Variants in SLC14A2 observed in about 807,000 individuals in gnomAD.
SLC14A2 encodes urea transporter 2.
SLC14A2 carries 91 observed loss-of-function variants against 104.6 expected under a neutral mutation model. The ratio of observed to expected loss-of-function variants is 0.87; its 90% CI spans 0.73 to 1.04. The LOEUF is 1.04. Among genes scored for constraint, SLC14A2 ranks in the 50% least tolerant of loss-of-function variants. SLC14A2 has a pLI of 0.00. For missense variants in SLC14A2, 1,189 were observed against 1,156.0 expected (o/e 1.03, Z -0.41); for synonymous variants, 476 against 466.4 (o/e 1.02, Z -0.27).
chr18:45,215,021 A>G (rs1357834044), intron 1 of SLC14A2, among the ~76,000 whole-genome samples: 1 of 152,016 alleles, frequency 6.6e-6, no homozygotes, highest in Non-Finnish European at 1.5e-5. Flanking sequence ...AGTTTAGAGA[A>G]GGGAGTGATT....
At chr18:45,659,961 CA>C (rs11456560) in intron 10 of SLC14A2, among the ~76,000 whole-genome samples, 127 of 104,770 alleles carry the variant, frequency 1.2e-3, no homozygotes, top group South Asian at 3.5e-3. Flanking sequence ...ACTGGCTCTA[CA>C]AAAAAAAAAA....
chr18:45,585,949 G>A (rs2044561336), intron 2 of SLC14A2, among the ~76,000 whole-genome samples: 1 of 152,154 alleles, frequency 6.6e-6, no homozygotes, highest in Admixed American at 6.5e-5. Flanking sequence ...GAAAAGTAAG[G>A]CTTTATTCAC....
At chr18:45,549,198 A>C (rs1311732026) in intron 2 of SLC14A2, among the ~76,000 whole-genome samples, 1 of 152,234 alleles carries the variant, frequency 6.6e-6, no homozygotes, top group African/African-American at 2.4e-5. Context: ...GTAGTTCATG[A>C]AGTAGGAATT....
chr18:45,356,299 A>C (rs757199396), intron 1 of SLC14A2, among the ~76,000 whole-genome samples: 2 of 152,226 alleles, frequency 1.3e-5, no homozygotes, highest in Non-Finnish European at 2.9e-5. Flanking sequence ...GAGATCATGG[A>C]TATAGAACAG....
At chr18:45,403,298 T>G (rs2086116258) in intron 1 of SLC14A2, among the ~76,000 whole-genome samples, 1 of 152,226 alleles carries the variant, frequency 6.6e-6, no homozygotes, top group African/African-American at 2.4e-5. Context: ...TTAAAGGCTC[T>G]ATCTTCAGAT....
At chr18:45,677,089 C>T (rs62096891) in intron 18 of SLC14A2, among the ~76,000 whole-genome samples, 12,024 of 152,322 alleles carry the variant, frequency 0.079, 659 homozygotes, top group Middle Eastern at 0.16. Flanking sequence ...TCCCTCCAGC[C>T]CAGGCAGGCC....
chr18:45,350,302 C>T lies in SLC14A2; in HGVS notation c.-124-132931C>T, dbSNP rs112724445. Among the ~76,000 whole-genome samples the T allele has an allele frequency of 4.0e-3, 613 of 152,320 alleles. 5 individuals are homozygous for T. The highest frequency in any genetic ancestry group is 0.014 in the African/African-American group (582 of 41,566). ...CAATGCATTACTAACATACACTAAA[C>T]AGTCACCATTTTTGATATCTCTGAT... is the stretch of plus-strand genomic sequence containing the variant. On this transcript the variant is annotated intron_variant, in intron 1 of 20. Transcript: ENST00000586448.
At chr18:45,439,413 C>T (rs2086647948) in intron 1 of SLC14A2, among the ~76,000 whole-genome samples, 1 of 151,976 alleles carries the variant, frequency 6.6e-6, no homozygotes, top group South Asian at 2.1e-4. Context: ...TAAAAAAACT[C>T]TACTGATTCT....
In SLC14A2 at chr18:45,640,207, T is replaced by C. The variant is rs182328225; in HGVS notation, c.991+314T>C. On this transcript the variant is annotated intron_variant, in intron 7 of 19. Coordinates refer to ENST00000255226, the MANE Select transcript of SLC14A2 (RefSeq NM_007163.4). ...AGGAGAATCACTTGAACCCAGGAGG[T>C]GGAGGTTGCAATGAGCCAAGATCGT... 3.5e-3 allele frequency among the ~76,000 whole-genome samples: 525 copies of C among 148,924 alleles called. 3 individuals carry two copies. The highest frequency in any genetic ancestry group is 9.5e-3 in the African/African-American group (382 of 40,282).
intron 2 of SLC14A2, among the ~76,000 whole-genome samples, chr18:45,497,808 G>A (rs1222491051): frequency 1.3e-5 from 2 of 152,160 alleles, no homozygotes; most frequent in African/African-American, 4.8e-5. Flanking sequence ...GGATTTTTTG[G>A]TGACGGATCT....
chr18:45,287,581 A>T (rs1416993037), intron 1 of SLC14A2, among the ~76,000 whole-genome samples: 1 of 152,168 alleles, frequency 6.6e-6, no homozygotes, highest in African/African-American at 2.4e-5. Context: ...ACACTATGAA[A>T]ATTCTGTGGA....
intron 2 of SLC14A2, among the ~76,000 whole-genome samples, chr18:45,589,952 T>C (rs2044623865): frequency 6.6e-6 from 1 of 152,204 alleles, no homozygotes; most frequent in Admixed American, 6.5e-5. Flanking sequence ...CCAGCAGAAC[T>C]GGGCTTTCTT....
chr18:45,480,263 CA>C (rs2087467019), intron 1 of SLC14A2, among the ~76,000 whole-genome samples: 1 of 152,182 alleles, frequency 6.6e-6, no homozygotes, highest in African/African-American at 2.4e-5. Context: ...TAATCCCAGA[CA>C]AGATTCTTCA....
chr18:45,572,449 C>A (rs1336225106), intron 2 of SLC14A2, among the ~76,000 whole-genome samples: 1 of 152,208 alleles, frequency 6.6e-6, no homozygotes, highest in Admixed American at 6.5e-5. Context: ...TCCAAGTTAT[C>A]TTCCACTAAA....
At chr18:45,173,778 T>G in the SLC14A2 span, among the ~76,000 whole-genome samples, 1 of 152,132 alleles carries the variant, frequency 6.6e-6, no homozygotes, top group Non-Finnish European at 1.5e-5. Context: ...CTCTGTTTGC[T>G]AGCAACCTGG....
intron 2 of SLC14A2, among the ~76,000 whole-genome samples, chr18:45,590,323 GT>G (rs1039044960): frequency 6.6e-6 from 1 of 152,072 alleles, no homozygotes; most frequent in African/African-American, 2.4e-5. Context: ...TGACAACATT[GT>G]TTTTTGCATA....
chr18:45,455,626 A>C (rs2086929585), intron 1 of SLC14A2, among the ~76,000 whole-genome samples: 1 of 145,616 alleles, frequency 6.9e-6, no homozygotes, highest in South Asian at 2.3e-4. Flanking sequence ...CATGTACCCC[A>C]GAACTTAAAG....
At chr18:45,192,832 A>G in the SLC14A2 span, among the ~76,000 whole-genome samples, 5 of 151,600 alleles carry the variant, frequency 3.3e-5, no homozygotes. Flanking sequence ...AATTTTTTGT[A>G]TTTTTAGTAG....
At chr18:45,289,499 A>C (rs2084848263) in intron 1 of SLC14A2, among the ~76,000 whole-genome samples, 1 of 152,162 alleles carries the variant, frequency 6.6e-6, no homozygotes, top group Non-Finnish European at 1.5e-5. Flanking sequence ...AAAGCTCACA[A>C]AGCTGATAAA....
Sources: gnomAD v4.1 joint callset for allele counts (sites outside exome capture counted in the v4.1 genomes callset) on GRCh38, gnomAD v4.1.1 for gene constraint, MANE v1.5 for transcripts, NCBI Gene and HGNC (gene_info 2026-07-23, HGNC 2026-07-21) for gene names.